The following C4orf50 variants were observed in gnomAD, a reference collection of about 807,000 sequenced individuals.
C4orf50 encodes uncharacterized protein C4orf50.
Under a neutral mutation model 77.2 loss-of-function variants are expected in C4orf50, and 80 were observed. The ratio of observed to expected loss-of-function variants is 1.04; its 90% CI spans 0.87 to 1.25. C4orf50 has a LOEUF of 1.25. Among genes scored for constraint, C4orf50 ranks in the 50% most tolerant of loss-of-function variants. C4orf50 has a pLI of 0.00. For synonymous variants in C4orf50, 532 were observed against 465.3 expected (o/e 1.14, Z -1.84); for missense variants, 1,257 against 1,152.9 (o/e 1.09, Z -1.31).
At chr4:5,954,628 C>G (rs565342065), downstream of C4orf50, among the ~76,000 whole-genome samples, 18 of 152,042 alleles carry the variant, frequency 1.2e-4, no homozygotes, top group African/African-American at 4.3e-4. The surrounding 1 kb of genome is among the most constrained non-coding windows in gnomAD (Gnocchi z 4.7). Context: ...TGGAGTGTGA[C>G]GTGCCAGCCT....
At chr4:5,959,306 A>G in exon 34 of C4orf50, 1 of 1,517,626 alleles carries the variant, frequency 6.6e-7, no homozygotes, top group South Asian at 1.3e-5. Flanking sequence ...TTCTTAAAGC[A>G]CTCTCTGAAG....
intron 28 of C4orf50, among the ~76,000 whole-genome samples, chr4:5,982,338 C>A (rs1238537674): frequency 2.6e-5 from 4 of 152,168 alleles, no homozygotes; most frequent in Non-Finnish European, 4.4e-5. Flanking sequence ...GATCACCCCA[C>A]ACAGCAGCCC....
At chr4:6,012,416 T>G (rs1326334928) in intron 23 of C4orf50, among the ~76,000 whole-genome samples, 4 of 152,162 alleles carry the variant, frequency 2.6e-5, no homozygotes, top group Admixed American at 6.6e-5. Context: ...CATTATAGAA[T>G]CTAGTCAGTC....
intron 7 of C4orf50, chr4:5,902,496 T>G (rs1218488784): frequency 6.6e-6 from 1 of 152,222 alleles, no homozygotes; most frequent in Non-Finnish European, 1.5e-5. Flanking sequence ...GGAAGAGGAT[T>G]TGGAACCCTT....
rs1285907903 is a variant in C4orf50 at position 5,992,234 on chromosome 4, G to T, written c.1221+569C>A. 6.6e-6 allele frequency among the ~76,000 whole-genome samples: 1 copy of T among 152,202 alleles called. No individual in the cohort carries two copies. Among genetic ancestry groups the T allele is most frequent in the Non-Finnish European group, 1.5e-5 (1 of 68,038 alleles). ...GTGAATGAATGAAGAGATGATGGAG[G>T]GCCTCTCTATTTACAACCACACAAC... On this transcript the variant is annotated intron_variant, in intron 27 of 33. Coordinates refer to ENST00000531445, the Ensembl canonical transcript of C4orf50. The surrounding 1 kb of genome is among the most constrained non-coding windows in gnomAD (Gnocchi z 5.0).
At chr4:5,902,499 GA>G (rs1716383136) in intron 7 of C4orf50, 1 of 152,134 alleles carries the variant, frequency 6.6e-6, no homozygotes, top group African/African-American at 2.4e-5. Context: ...AGAGGATTTG[GA>G]ACCCTTGGAC....
chr4:5,973,643 A>G lies in C4orf50; in HGVS notation c.4104+16T>C. 1.3e-6 allele frequency: 2 copies of G among 1,599,366 alleles called. No individual in the cohort carries two copies. Among genetic ancestry groups the G allele is most frequent in the Non-Finnish European group, 1.7e-6 (2 of 1,169,674 alleles). On this transcript the variant is annotated intron_variant, in intron 31 of 33. Coordinates refer to ENST00000531445, the Ensembl canonical transcript of C4orf50. ...TCCCATAGGAAGCACAGACAGGGCC[A>G]TCTCTGGGACTCTACCTCTGGGACT...
At chr4:5,935,315 CAG>C (rs1717958270) in intron 7 of C4orf50, among the ~76,000 whole-genome samples, 2 of 152,156 alleles carry the variant, frequency 1.3e-5, no homozygotes, top group South Asian at 4.1e-4. Context: ...CCCCCAGTAA[CAG>C]GGGGAATTAG....
Position 6,007,862 on chromosome 4 carries a change from G to A in C4orf50, c.963+134C>T, listed in dbSNP as rs1577997178. 1 of 397,828 alleles carries A rather than the reference G, an allele frequency of 2.5e-6. No homozygotes were observed. 24.6% of individuals were successfully genotyped at this position (397,828 alleles called of 1,614,324 possible). A position where few individuals can be genotyped will look rare whatever the true frequency, so the allele number is the denominator to read the frequency against. On this transcript the variant is annotated intron_variant, in intron 25 of 33. Transcript: ENST00000531445. The surrounding 1 kb of genome is among the most constrained non-coding windows in gnomAD (Gnocchi z 4.1). ...GTGAGTAGATGCAGTGAAGGACGATGGACAGGGCTGGCAGGGTTAAACGGC... is the reference window on the plus strand; with the variant it reads ...GTGAGTAGATGCAGTGAAGGACGATAGACAGGGCTGGCAGGGTTAAACGGC...
At chr4:5,999,011 G>C (rs1424208871) in intron 25 of C4orf50, among the ~76,000 whole-genome samples, 1 of 152,188 alleles carries the variant, frequency 6.6e-6, no homozygotes, top group African/African-American at 2.4e-5. Context: ...TCTAAAACAT[G>C]TGACCTCGGG....
At chr4:5,921,086 G>C (rs185169833) in intron 7 of C4orf50, among the ~76,000 whole-genome samples, 1 of 152,318 alleles carries the variant, frequency 6.6e-6, no homozygotes, top group Admixed American at 6.5e-5. Context: ...CAAGCAGCTG[G>C]TCCAGGAAGA....
intron 7 of C4orf50, among the ~76,000 whole-genome samples, chr4:5,930,644 G>C (rs991462934): frequency 6.6e-6 from 1 of 152,200 alleles, no homozygotes; most frequent in Non-Finnish European, 1.5e-5. Flanking sequence ...AAGTGCCTCT[G>C]GGGCCCCGCC....
rs80348040 is a variant in C4orf50 at position 5,999,954 on chromosome 4, T to C, written c.964-5478A>G. 3.6e-3 allele frequency among the ~76,000 whole-genome samples: 544 copies of C among 152,290 alleles called. 2 individuals are homozygous for C. The highest frequency in any genetic ancestry group is 0.013 in the African/African-American group (520 of 41,566). ...TCAGGGACCTGCAGCTCAGTGTGAC[T>C]AAGGTGGCATATGGGGGACTGAGCT... On this transcript the variant is annotated intron_variant, in intron 25 of 33. Coordinates refer to ENST00000531445, the Ensembl canonical transcript of C4orf50.
In C4orf50 at chr4:5,965,159, T is replaced by A; in HGVS notation, c.4154-14A>T. 1 of 1,610,398 alleles carries A rather than the reference T, an allele frequency of 6.2e-7. No individual in the cohort carries two copies. Among genetic ancestry groups the A allele is most frequent in the South Asian group, 1.1e-5 (1 of 89,992 alleles). ...GGTATGTCTGAGCTGGAAGGGAAAA[T>A]TCTCAGTCAAGCCTCCACCCAGGAA... On this transcript the variant is annotated splice_polypyrimidine_tract_variant and intron_variant, in intron 32 of 33. Transcript: ENST00000531445.
At chr4:5,917,398 C>T (rs992295017) in intron 7 of C4orf50, among the ~76,000 whole-genome samples, 5 of 146,862 alleles carry the variant, frequency 3.4e-5, no homozygotes, top group African/African-American at 1.0e-4. Context: ...GTTTCAATTC[C>T]TGTATTTCTT....
chr4:5,949,722 C>T (rs1718637240), intron 7 of C4orf50, among the ~76,000 whole-genome samples: 1 of 152,194 alleles, frequency 6.6e-6, no homozygotes, highest in South Asian at 2.1e-4. Context: ...CCCAGTGGCT[C>T]ACGTCTGTAA....
chr4:5,952,337 C>T (rs1718763078), downstream of C4orf50, among the ~76,000 whole-genome samples: 1 of 152,226 alleles, frequency 6.6e-6, no homozygotes, highest in Non-Finnish European at 1.5e-5. The surrounding 1 kb of genome is among the most constrained non-coding windows in gnomAD (Gnocchi z 4.4). Context: ...GCTTTCTTTG[C>T]TCTACTGAAT....
Position 5,976,172 on chromosome 4 carries a change from G to A in C4orf50, c.3865-217C>T, listed in dbSNP as rs754206518. 2.4e-4 allele frequency among the ~76,000 whole-genome samples: 36 copies of A among 152,190 alleles called. 1 individual carries two copies. The highest frequency in any genetic ancestry group is 4.6e-4 in the African/African-American group (19 of 41,528). ...TACTCAAGAATCAGCTTGGCCGGGC[G>A]CAGTGACCCACGCCTGTAATCCCAG... On this transcript the variant is annotated intron_variant, in intron 29 of 33. Transcript: ENST00000531445.
chr4:5,949,408 G>T (rs1226096210), intron 7 of C4orf50, among the ~76,000 whole-genome samples: 1 of 152,188 alleles, frequency 6.6e-6, no homozygotes, highest in Non-Finnish European at 1.5e-5. Context: ...GAACCTCAAA[G>T]ACACTGTCCT....
Sources: allele counts gnomAD v4.1 joint callset (sites outside exome capture counted in the v4.1 genomes callset), GRCh38; gene constraint gnomAD v4.1.1; non-coding constraint Gnocchi (gnomAD v3.1); transcripts MANE v1.5; gene names NCBI Gene and HGNC (gene_info 2026-07-23, HGNC 2026-07-21).